The following GTF3C1 variants were observed in gnomAD, a reference collection of about 807,000 sequenced individuals.
The protein encoded by GTF3C1 is general transcription factor 3C polypeptide 1.
GTF3C1 carries 57 observed loss-of-function variants against 226.7 expected under a neutral mutation model. The observed-to-expected ratio is 0.25, with a 90% CI of 0.20 to 0.31. The LOEUF is 0.31. Among genes scored for constraint, GTF3C1 ranks in the 10% least tolerant of loss-of-function variants. The pLI, the probability that GTF3C1 is intolerant of heterozygous loss-of-function variation, is 1.00. For missense variants in GTF3C1, 2,217 were observed against 2,776.1 expected (o/e 0.80, Z 4.53); for synonymous variants, 1,090 against 1,084.8 (o/e 1.00, Z -0.09).
chr16:27,528,488 A>G lies in GTF3C1; in HGVS notation c.973+110T>C, dbSNP rs1199131538. 7.0e-6 allele frequency: 6 copies of G among 852,546 alleles called. No individual in the cohort carries two copies. The East Asian group carries it at 1.5e-4, about 21-fold the overall frequency. 52.8% of individuals were successfully genotyped at this position (852,546 alleles called of 1,614,324 possible). A position where few individuals can be genotyped will look rare whatever the true frequency, so the allele number is the denominator to read the frequency against. On this transcript the variant is annotated intron_variant, in intron 6 of 36. Transcript: ENST00000356183. ...GGCGCAGAGTTAAATAAATATGTGAAATCATTATGCCACAAGGCAGAATGT... is the reference window on the plus strand; with the variant it reads ...GGCGCAGAGTTAAATAAATATGTGAGATCATTATGCCACAAGGCAGAATGT...
chr16:27,501,568 A>G (rs1349408664), intron 11 of GTF3C1, among the ~76,000 whole-genome samples: 1 of 152,232 alleles, frequency 6.6e-6, no homozygotes, highest in Non-Finnish European at 1.5e-5. Context: ...GCAGCTCCAC[A>G]GCTGAGCCTT....
intron 1 of GTF3C1, among the ~76,000 whole-genome samples, chr16:27,549,062 G>A (rs1369368151): frequency 6.6e-6 from 1 of 152,184 alleles, no homozygotes; most frequent in East Asian, 1.9e-4. Flanking sequence ...GCTGAGGCAC[G>A]AGAATCGCTT....
At chr16:27,506,251 C>CG in intron 9 of GTF3C1, 135 bp from the exon 10 acceptor site, 1 of 603,598 alleles carries the variant, frequency 1.7e-6, no homozygotes, top group South Asian at 2.0e-5. Context: ...AGTGGACCAG[C>CG]AGCAGCTTGG....
At chr16:27,523,090 A>C (rs901701517) in intron 6 of GTF3C1, among the ~76,000 whole-genome samples, 1 of 152,200 alleles carries the variant, frequency 6.6e-6, no homozygotes, top group Non-Finnish European at 1.5e-5. Context: ...CATTAGCCCC[A>C]GGGAGCACAA....
intron 11 of GTF3C1, 60 bp downstream of exon 11, chr16:27,502,799 A>C: frequency 6.5e-7 from 1 of 1,534,212 alleles, no homozygotes; most frequent in Non-Finnish European, 8.8e-7. Flanking sequence ...GTGATGACCA[A>C]CTGGTAGGAG....
In GTF3C1 at chr16:27,471,961, C is replaced by T. The variant is rs746858519; in HGVS notation, c.4354-41G>A. On this transcript the variant is annotated intron_variant, in intron 29 of 36. Transcript: ENST00000356183. The surrounding 1 kb of genome is among the most constrained non-coding windows in gnomAD (Gnocchi z 5.0). Reference sequence around the variant, plus strand: ...GCGAGGGTGAGTAGGGTTCTCCAGCCGGCCACGGAGAGGGCTGGGGTATGT... The same window carrying T: ...GCGAGGGTGAGTAGGGTTCTCCAGCTGGCCACGGAGAGGGCTGGGGTATGT... The T allele has an allele frequency of 1.7e-4, 272 of 1,593,226 alleles. No homozygotes were observed. The highest frequency in any genetic ancestry group is 3.4e-4 in the East Asian group (15 of 44,666).
At chr16:27,487,215 G>A (rs1202094387) in intron 23 of GTF3C1, among the ~76,000 whole-genome samples, 6 of 152,222 alleles carry the variant, frequency 3.9e-5, no homozygotes, top group Non-Finnish European at 8.8e-5. Context: ...TACGACAGGC[G>A]AAACTGAGGG....
intron 13 of GTF3C1, 46 bp from the exon 14 acceptor site, chr16:27,497,867 G>A: frequency 1.3e-6 from 2 of 1,487,166 alleles, no homozygotes; most frequent in Non-Finnish European, 1.9e-6. Context: ...AAAATCAAGG[G>A]CTAAGAGAAA....
intron 26 of GTF3C1, 69 bp downstream of exon 26, chr16:27,482,975 G>A: frequency 7.6e-7 from 1 of 1,307,326 alleles, no homozygotes; most frequent in South Asian, 1.2e-5. Context: ...TGGGATGAGA[G>A]GAGCTGACTG....
chr16:27,483,191 G>A, intron 25 of GTF3C1, 66 bp from the exon 26 acceptor site: 1 of 1,471,532 alleles, frequency 6.8e-7, no homozygotes, highest in East Asian at 2.3e-5. Flanking sequence ...AGAACCTTCA[G>A]AGAGCTCCAT....
Position 27,471,895 on chromosome 16 carries a change from T to G in GTF3C1, c.4379A>C (p.Lys1460Thr). 6.2e-7 allele frequency: 1 copy of G among 1,614,110 alleles called. No homozygotes were observed. Among genetic ancestry groups the G allele is most frequent in the Non-Finnish European group, 8.5e-7 (1 of 1,180,004 alleles). ...FQTFRLYREY[K>T]DHVLVKAFME... Reference sequence around the variant, plus strand: ...GAAGGCCTTCACAAGAACGTGGTCCTTGTACTCCCGATAGAGGCGGAAAGT... The same window carrying G: ...GAAGGCCTTCACAAGAACGTGGTCCGTGTACTCCCGATAGAGGCGGAAAGT... Residue 1460 changes from lysine (K) to threonine (T), a missense_variant, in exon 30 of 37, where the codon AAG becomes ACG. This residue lies in a region of GTF3C1 where 546 missense variants were observed against 663.0 expected (regional missense o/e 0.82). Coordinates refer to ENST00000356183, the MANE Select transcript of GTF3C1 (RefSeq NM_001520.4). This position sits in a 1 kb window ranked among gnomAD's most constrained non-coding sequence, Gnocchi z 5.0.
chr16:27,493,140 C>T, intron 17 of GTF3C1, 59 bp downstream of exon 17: 1 of 886,116 alleles, frequency 1.1e-6, no homozygotes, highest in Non-Finnish European at 1.9e-6. Flanking sequence ...GGCTTAGAGC[C>T]CTGACTTAAG....
At chr16:27,502,016 A>G (rs1451150623) in intron 11 of GTF3C1, among the ~76,000 whole-genome samples, 1 of 151,462 alleles carries the variant, frequency 6.6e-6, no homozygotes, top group Non-Finnish European at 1.5e-5. Context: ...AATTGTTTGA[A>G]CCCAGGAGGC....
At position 27,511,815 on chromosome 16, in the gene GTF3C1, A is replaced by C; in HGVS notation, c.1060T>G (p.Ser354Ala). 1 of 1,614,162 alleles carries C rather than the reference A, an allele frequency of 6.2e-7. No homozygotes were observed. Among genetic ancestry groups the C allele is most frequent in the Non-Finnish European group, 8.5e-7 (1 of 1,180,016 alleles). ...HDDDEDEEVI[S>A]KTVPPVDIVF... ...ATGTCCACTGGAGGCACTGTCTTGG[A>C]GATGACCTCCTCGTCCTCGTCATCA... The change falls in exon 7 of 37, where the codon TCC (serine) becomes GCC (alanine). Residue 354 changes from serine (S) to alanine (A), a missense_variant. Around this residue, in one of 12 missense-constraint regions of GTF3C1, gnomAD observed 163 missense variants for 234.3 expected, o/e 0.70. Transcript: ENST00000356183.
Position 27,528,616 on chromosome 16 carries a change from G to A in GTF3C1, c.955C>T (p.Pro319Ser), listed in dbSNP as rs2088868009. The stretch of plus-strand genomic sequence containing the variant: ...GCATTACCTTTCTTTGTCTTACAAG[G>A]TCCACATTCAGGGTGGATCTCTTGC... The part of the protein sequence containing the change: ...RLQEIHPECG[P>S]CKTKKGTDVM... Residue 319 changes from proline to serine, a missense_variant, in exon 6 of 37, where the codon CCT (proline) becomes TCT (serine). Physicochemically the swap from Pro to Ser is moderately conservative, Grantham distance 74. Around this residue, in one of 12 missense-constraint regions of GTF3C1, gnomAD observed 163 missense variants for 234.3 expected, o/e 0.70. Coordinates refer to ENST00000356183, the MANE Select transcript of GTF3C1 (RefSeq NM_001520.4). 6.2e-7 allele frequency: 1 copy of A among 1,611,846 alleles called. No individual in the cohort carries two copies. The highest frequency in any genetic ancestry group is 1.7e-5 in the Admixed American group (1 of 59,956).
chr16:27,508,010 G>A (rs976719308), intron 8 of GTF3C1, among the ~76,000 whole-genome samples: 3 of 152,236 alleles, frequency 2.0e-5, no homozygotes, highest in African/African-American at 7.2e-5. Context: ...ATCACCTTCT[G>A]ACTACTTTTT....
intron 6 of GTF3C1, among the ~76,000 whole-genome samples, chr16:27,522,466 T>C (rs145050158): frequency 6.6e-6 from 1 of 152,394 alleles, no homozygotes; most frequent in East Asian, 1.9e-4. Flanking sequence ...GTTATCTGTC[T>C]ACCCTTGTGC....
rs144809035 is a variant in GTF3C1, at chr16:27,520,459, C to G, written c.973+8139G>C. Among the ~76,000 whole-genome samples, 41 of 152,036 alleles carry G rather than the reference C, an allele frequency of 2.7e-4. 1 individual carries two copies. In the South Asian group the frequency reaches 4.2e-3, roughly 15 times the overall value. On this transcript the variant is annotated intron_variant, in intron 6 of 36. Transcript: ENST00000356183. ...TCTTGATGTTTTTTCTACTTCCCCC[C>G]ACTCCAAGACTGACCACAAAATGGG...
At chr16:27,491,337 G>A (rs1445271209) in intron 19 of GTF3C1, among the ~76,000 whole-genome samples, 1 of 152,182 alleles carries the variant, frequency 6.6e-6, no homozygotes, top group Non-Finnish European at 1.5e-5. Context: ...GCCAGGTGGA[G>A]AAAGGCCTGG....
Sources: allele counts gnomAD v4.1 joint callset (sites outside exome capture counted in the v4.1 genomes callset), GRCh38; gene constraint gnomAD v4.1.1; regional missense constraint gnomAD v4.1.1; non-coding constraint Gnocchi (gnomAD v3.1); transcripts MANE v1.5; gene names NCBI Gene and HGNC (gene_info 2026-07-23, HGNC 2026-07-21).